Variants in TMEM255A observed in about 807,000 individuals in gnomAD.
TMEM255A encodes the protein family with sequence similarity 70, member A.
A neutral mutation model predicts 23.5 loss-of-function variants in TMEM255A; 14 were observed. That is an observed-to-expected ratio of 0.60 (90% CI 0.39 to 0.93). The LOEUF is 0.93. Among genes scored for constraint, TMEM255A ranks in the 40% least tolerant of loss-of-function variants. The pLI is 0.00. For missense variants in TMEM255A, 233 were observed against 261.7 expected, an observed-to-expected ratio of 0.89 and a Z score of 0.76; for synonymous variants, 104 against 100.3, an observed-to-expected ratio of 1.04 and a Z score of -0.22.
At chrX:120,274,039 C>G (rs1298119248) in intron 7 of TMEM255A, among the ~76,000 whole-genome samples, 2 of 111,822 alleles carry the variant, frequency 1.8e-5, no homozygotes, top group African/African-American at 6.5e-5. Context: ...CTAAACAAAA[C>G]GTGGTCTATC....
chrX:120,290,355 G>C (rs782789757), intron 4 of TMEM255A, among the ~76,000 whole-genome samples: 1 of 111,724 alleles, frequency 9.0e-6, no homozygotes, highest in East Asian at 2.8e-4. Context: ...TTGTCAAATG[G>C]GGATAATAAT....
At chrX:120,296,879 A>ATAT (rs1556024560) in intron 2 of TMEM255A, among the ~76,000 whole-genome samples, 1 of 10,515 alleles carries the variant, frequency 9.5e-5, no homozygotes, top group Non-Finnish European at 1.2e-4. Flanking sequence ...TATATATCAT[A>ATAT]TATATTATAT....
the TMEM255A span, among the ~76,000 whole-genome samples, chrX:120,251,819 CAT>C: frequency 8.1e-3 from 912 of 112,248 alleles, 6 homozygotes; most frequent in African/African-American, 0.028. Context: ...GAGGGGGACA[CAT>C]AAACGAAACG....
intron 4 of TMEM255A, among the ~76,000 whole-genome samples, chrX:120,290,000 G>A (rs900332612): frequency 1.9e-4 from 21 of 111,396 alleles, no homozygotes; most frequent in Non-Finnish European, 3.6e-4. Context: ...GTATATTAGT[G>A]GTTGCTTGGG....
At chrX:120,296,149 T>C (rs2057953279) in intron 2 of TMEM255A, among the ~76,000 whole-genome samples, 1 of 112,150 alleles carries the variant, frequency 8.9e-6, no homozygotes, top group Non-Finnish European at 1.9e-5. Context: ...ATTCATCAGC[T>C]TCCAAAGGTA....
At chrX:120,305,234 T>C (rs1007794173) in intron 1 of TMEM255A, among the ~76,000 whole-genome samples, 3 of 111,628 alleles carry the variant, frequency 2.7e-5, no homozygotes, top group Admixed American at 9.5e-5. Context: ...TTATCAGACA[T>C]GATAGTGCAA....
intron 7 of TMEM255A, 38 bp from the exon 8 acceptor site, chrX:120,268,425 C>A: frequency 9.2e-7 from 1 of 1,083,551 alleles, no homozygotes; most frequent in African/African-American, 1.8e-5. Flanking sequence ...CATAAACAGT[C>A]ATCACTAGGA....
chrX:120,296,125 C>T (rs1556023994), intron 2 of TMEM255A, among the ~76,000 whole-genome samples: 1 of 112,027 alleles, frequency 8.9e-6, no homozygotes, highest in African/African-American at 3.3e-5. Context: ...AAAAATAAGT[C>T]CTTTTACTTA....
intron 7 of TMEM255A, among the ~76,000 whole-genome samples, chrX:120,268,751 T>C (rs1041181923): frequency 7.1e-5 from 8 of 112,153 alleles, no homozygotes; most frequent in Non-Finnish European, 1.3e-4. Context: ...CTACTATATA[T>C]GTCAAAATGT....
At chrX:120,261,051 TA>T (rs2147176199) in intron 8 of TMEM255A, 23 bp from the exon 9 acceptor site, 2 of 997,583 alleles carry the variant, frequency 2.0e-6, no homozygotes, top group Non-Finnish European at 2.7e-6. Context: ...AAGAAAACGT[TA>T]GTTTAGGCAG....
At chrX:120,298,640 T>C (rs782231939) in intron 2 of TMEM255A, among the ~76,000 whole-genome samples, 2 of 111,160 alleles carry the variant, frequency 1.8e-5, no homozygotes, top group Non-Finnish European at 3.8e-5. Context: ...ATAAGAAGTC[T>C]AAATTCTGAA....
At chrX:120,304,567 A>G (rs1213766917) in intron 1 of TMEM255A, 76 bp from the exon 2 acceptor site, 1 of 1,085,992 alleles carries the variant, frequency 9.2e-7, no homozygotes, top group Non-Finnish European at 1.3e-6. Context: ...AAACACTAAG[A>G]AGGTTTTCCT....
At chrX:120,308,545 A>T (rs1259429965) in intron 1 of TMEM255A, among the ~76,000 whole-genome samples, 1 of 111,786 alleles carries the variant, frequency 8.9e-6, no homozygotes, top group Non-Finnish European at 1.9e-5. Context: ...CCCTAGAAAC[A>T]AGTGGCTGCC....
chrX:120,253,365 GT>G, the TMEM255A span: 6 of 1,077,213 alleles, frequency 5.6e-6, no homozygotes, highest in South Asian at 4.7e-5. Context: ...AAGTACTTTT[GT>G]TTTTTCTCTC....
intron 6 of TMEM255A, among the ~76,000 whole-genome samples, chrX:120,281,117 A>G (rs2057834076): frequency 8.9e-6 from 1 of 112,304 alleles, no homozygotes; most frequent in Non-Finnish European, 1.9e-5. Context: ...GGCCGACATG[A>G]TGTTTCTGTC....
At chrX:120,285,103 CTG>C (rs782435402) in intron 6 of TMEM255A, 22 bp downstream of exon 6, 8 of 1,166,960 alleles carry the variant, frequency 6.9e-6, no homozygotes, top group Non-Finnish European at 9.3e-6. Context: ...ACCATTATTC[CTG>C]TGTCTGGGCC....
At chrX:120,269,664 C>T (rs1188273209) in intron 7 of TMEM255A, among the ~76,000 whole-genome samples, 2 of 111,614 alleles carry the variant, frequency 1.8e-5, no homozygotes, top group Non-Finnish European at 3.8e-5. Context: ...TAATACAGCT[C>T]ACAGACAGCC....
At chrX:120,256,997 G>A (rs2057642624), downstream of TMEM255A, 1 of 122,341 alleles carries the variant, frequency 8.2e-6, no homozygotes, top group Non-Finnish European at 1.9e-5. Flanking sequence ...TTCTTCTGAT[G>A]GTAAGCTGGA....
intron 6 of TMEM255A, among the ~76,000 whole-genome samples, chrX:120,278,101 C>A (rs2057811942): frequency 9.1e-6 from 1 of 110,147 alleles, no homozygotes; most frequent in Admixed American, 9.6e-5. Context: ...TCCTTCTCCC[C>A]TGACTTCCCT....
Sources: allele counts gnomAD v4.1 joint callset (sites outside exome capture counted in the v4.1 genomes callset), GRCh38; gene constraint gnomAD v4.1.1; transcripts MANE v1.5; gene names NCBI Gene and HGNC (gene_info 2026-07-23, HGNC 2026-07-21).